The following SND1 variants were observed in gnomAD, a reference collection of about 807,000 sequenced individuals.
SND1 encodes the protein staphylococcal nuclease and tudor domain containing 1.
Under a neutral mutation model 121.7 loss-of-function variants are expected in SND1, and 38 were observed. The ratio of observed to expected loss-of-function variants is 0.31; its 90% CI spans 0.24 to 0.41. SND1 has a LOEUF of 0.41. Ranked by LOEUF, SND1 falls within the 10% of genes least tolerant of loss-of-function variation. The pLI, the probability that SND1 is intolerant of heterozygous loss-of-function variation, is 1.00. For synonymous variants in SND1, 401 were observed against 447.4 expected (o/e 0.90, Z 1.31); for missense variants, 868 against 1,184.6 (o/e 0.73, Z 3.92).
chr7:127,674,304 A>G (rs996296221), intron 1 of SND1, among the ~76,000 whole-genome samples: 20 of 152,220 alleles, frequency 1.3e-4, no homozygotes, highest in African/African-American at 4.6e-4. Context: ...ATATTTGTAT[A>G]TATAAACAAC....
chr7:127,855,014 C>CTT (rs747304631), intron 12 of SND1, among the ~76,000 whole-genome samples: 1 of 136,258 alleles, frequency 7.3e-6, no homozygotes, highest in East Asian at 2.1e-4. Flanking sequence ...GTGCTGAGTG[C>CTT]TTTTTTTTTT....
chr7:127,841,132 C>T (rs1422298855), intron 11 of SND1, among the ~76,000 whole-genome samples: 1 of 152,170 alleles, frequency 6.6e-6, no homozygotes, highest in African/African-American at 2.4e-5. Context: ...AATTAGCCCT[C>T]TTGATGAATT....
In SND1 at chr7:127,831,896, C is replaced by G. The variant is rs188310758; in HGVS notation, c.1243-12428C>G. Among the ~76,000 whole-genome samples, 9 of 137,872 alleles carry G rather than the reference C, an allele frequency of 6.5e-5. 1 individual carries two copies. In the East Asian group the frequency reaches 2.8e-3, roughly 43 times the overall value. The allele number at this position is 137,872 out of a possible 152,430, so 90.4% of individuals were successfully genotyped here. On this transcript the variant is annotated intron_variant, in intron 11 of 23. Transcript: ENST00000354725. ...GTACGATGTGAAAAATTGGAAGTAC[C>G]TTATAATTGCACCTTTGAAGATAAG...
chr7:127,721,559 C>T (rs941496029), intron 10 of SND1, among the ~76,000 whole-genome samples, 159 bp downstream of exon 10: 1 of 152,176 alleles, frequency 6.6e-6, no homozygotes, highest in East Asian at 1.9e-4. Flanking sequence ...TATAGCCTGA[C>T]TACTATTGGG....
chr7:128,081,423 C>A lies in SND1; in HGVS notation c.2032C>A (p.Arg678=), dbSNP rs919110028. The change falls in exon 18 of 24, where the codon CGA becomes AGA. Residue 678 remains arginine (R), a synonymous_variant. Transcript: ENST00000354725. ...GATGCCAGTGCTGGAGGAGAAGGAG[C>A]GATCTGCTAGCTACAAGCCCGTGTT... The part of the protein sequence containing the change: ...EVMPVLEEKE[R]SASYKPVFVT... The A allele has an allele frequency of 1.2e-6, 2 of 1,614,060 alleles. No individual in the cohort carries two copies. Among genetic ancestry groups the A allele is most frequent in the Non-Finnish European group, 8.5e-7 (1 of 1,180,028 alleles).
intron 14 of SND1, among the ~76,000 whole-genome samples, chr7:127,916,993 G>C (rs1282677207): frequency 1.3e-5 from 2 of 152,210 alleles, no homozygotes; most frequent in South Asian, 2.1e-4. Flanking sequence ...GCATCCATCA[G>C]CAAGTGTGCA....
Position 127,901,609 on chromosome 7 carries a change from C to G in SND1, c.1455-3138C>G, listed in dbSNP as rs149244432. On this transcript the variant is annotated intron_variant, in intron 13 of 23. Transcript: ENST00000354725. ...CTGGGTCTAGTGTGCTACTAAGAGG[C>G]TAGAGTGCTTCCTGGGTGGGCATAT... Among the ~76,000 whole-genome samples the G allele has an allele frequency of 2.6e-4, 40 of 152,242 alleles. No homozygotes were observed. In the Middle Eastern group the frequency reaches 0.01, roughly 39 times the overall value.
At chr7:127,888,761 A>G (rs1020651709) in intron 13 of SND1, among the ~76,000 whole-genome samples, 1 of 152,112 alleles carries the variant, frequency 6.6e-6, no homozygotes, top group Non-Finnish European at 1.5e-5. Flanking sequence ...CTCAACCAAA[A>G]TATATCCATT....
At chr7:128,074,089 G>A (rs1279391234) in intron 16 of SND1, among the ~76,000 whole-genome samples, 1 of 152,190 alleles carries the variant, frequency 6.6e-6, no homozygotes, top group Non-Finnish European at 1.5e-5. Context: ...AGGAAAAGCA[G>A]CCTCCCTCTC....
At chr7:127,904,713 T>TCGG (rs1475745191) in intron 13 of SND1, 34 bp from the exon 14 acceptor site, 1 of 1,473,922 alleles carries the variant, frequency 6.8e-7, no homozygotes, top group Non-Finnish European at 9.5e-7. Context: ...TTGTGATTCT[T>TCGG]GTTTTAATCG....
chr7:127,772,402 A>T lies in SND1; in HGVS notation c.1153-35082A>T, dbSNP rs952662034. The stretch of plus-strand genomic sequence containing the variant: ...CGGTTGTCCCTTCAGTCCTAGAGAG[A>T]TGCTTCTTTGCGATCTTTAAAACAC... On this transcript the variant is annotated intron_variant, in intron 10 of 23. Coordinates refer to ENST00000354725, the MANE Select transcript of SND1 (RefSeq NM_014390.4). Among the ~76,000 whole-genome samples, 3 of 152,152 alleles carry T rather than the reference A, an allele frequency of 2.0e-5. No homozygotes were observed. The South Asian group carries it at 6.2e-4, about 32-fold the overall frequency.
At chr7:127,667,764 A>G (rs1409842560) in intron 1 of SND1, among the ~76,000 whole-genome samples, 3 of 152,260 alleles carry the variant, frequency 2.0e-5, no homozygotes, top group African/African-American at 7.2e-5. Flanking sequence ...CCGAAAGCAC[A>G]GTCCTTGGAA....
intron 10 of SND1, among the ~76,000 whole-genome samples, chr7:127,766,584 G>T (rs570188015): frequency 6.6e-6 from 1 of 151,752 alleles, no homozygotes; most frequent in Non-Finnish European, 1.5e-5. Context: ...GACCATCCTG[G>T]CCAACGTGGT....
At chr7:128,081,754 C>A in intron 18 of SND1, 1 of 634,886 alleles carries the variant, frequency 1.6e-6, no homozygotes, top group Non-Finnish European at 3.0e-6. Flanking sequence ...GACAGGTCCT[C>A]TGGACGCAGG....
At chr7:127,928,580 T>TTTTC (rs767123377) in intron 14 of SND1, among the ~76,000 whole-genome samples, 5 of 151,906 alleles carry the variant, frequency 3.3e-5, no homozygotes, top group Non-Finnish European at 4.4e-5. Context: ...CTCAACTTTT[T>TTTTC]TTTCTTTCTT....
chr7:127,831,083 G>A (rs916457322), intron 11 of SND1, among the ~76,000 whole-genome samples: 15 of 152,132 alleles, frequency 9.9e-5, no homozygotes, highest in Admixed American at 8.5e-4. Flanking sequence ...AAAACTCCAT[G>A]GTTTTTATTG....
At chr7:127,671,908 A>C (rs910191286) in intron 1 of SND1, among the ~76,000 whole-genome samples, 1 of 152,200 alleles carries the variant, frequency 6.6e-6, no homozygotes, top group Non-Finnish European at 1.5e-5. Context: ...GTAGCACTAA[A>C]ATGTAAAAAA....
intron 16 of SND1, among the ~76,000 whole-genome samples, chr7:128,033,511 G>C (rs908022306): frequency 2.0e-5 from 3 of 152,224 alleles, no homozygotes; most frequent in Non-Finnish European, 4.4e-5. Context: ...AGATTTCTCA[G>C]CTCTCTGGTT....
intron 16 of SND1, chr7:128,031,220 T>TTTG (rs1792588864): frequency 1.3e-5 from 2 of 151,984 alleles, no homozygotes; most frequent in Admixed American, 1.3e-4. Context: ...CCACCAGCGC[T>TTTG]TCCCGGCTTT....
Sources: allele counts gnomAD v4.1 joint callset (sites outside exome capture counted in the v4.1 genomes callset), GRCh38; gene constraint gnomAD v4.1.1; transcripts MANE v1.5; gene names NCBI Gene and HGNC (gene_info 2026-07-23, HGNC 2026-07-21).